The following PPP1CC variants were observed in gnomAD, a reference collection of about 807,000 sequenced individuals.
PPP1CC encodes serine/threonine-protein phosphatase PP1-gamma catalytic subunit.
Under a neutral mutation model 38.4 loss-of-function variants are expected in PPP1CC, and 16 were observed. That is an observed-to-expected ratio of 0.42 (90% CI 0.28 to 0.63). PPP1CC has a LOEUF of 0.63. Ranked by LOEUF, PPP1CC falls within the 30% of genes least tolerant of loss-of-function variation. The pLI is 0.25. For missense variants in PPP1CC, 170 were observed against 391.3 expected (o/e 0.43, Z 4.77); for synonymous variants, 158 against 136.0 (o/e 1.16, Z -1.13).
At chr12:110,719,174 A>C (rs2069711984), downstream of PPP1CC, among the ~76,000 whole-genome samples, 1 of 152,142 alleles carries the variant, frequency 6.6e-6, no homozygotes, top group African/African-American at 2.4e-5. Flanking sequence ...GTCTGGGAGA[A>C]TATTACGTAA....
At chr12:110,717,843 G>A (rs866367406), downstream of PPP1CC, among the ~76,000 whole-genome samples, 3 of 152,098 alleles carry the variant, frequency 2.0e-5, no homozygotes, top group Non-Finnish European at 4.4e-5. Context: ...CCTTGTCTCC[G>A]TGTCTCAATT....
At chr12:110,725,531 A>C (rs2069788360) in intron 3 of PPP1CC, 1 of 152,252 alleles carries the variant, frequency 6.6e-6, no homozygotes, top group Non-Finnish European at 1.5e-5. Flanking sequence ...CACAGGCCTG[A>C]TGTCACAGGA....
intron 6 of PPP1CC, chr12:110,721,783 A>T (rs1042014443): frequency 1.3e-5 from 4 of 317,208 alleles, no homozygotes; most frequent in African/African-American, 8.5e-5. Flanking sequence ...AACTAAGTAA[A>T]CACATAGCAC....
intron 6 of PPP1CC, 122 bp from the exon 7 acceptor site, chr12:110,721,287 GC>G (rs1196076966): frequency 1.4e-6 from 1 of 704,424 alleles, no homozygotes; most frequent in Non-Finnish European, 2.4e-6. Flanking sequence ...AACTGTAAAA[GC>G]CCCCCTAGCA....
chr12:110,736,170 AT>A (rs2069942542), intron 1 of PPP1CC, among the ~76,000 whole-genome samples: 2 of 152,214 alleles, frequency 1.3e-5, no homozygotes, highest in African/African-American at 2.4e-5. Context: ...CAGTAGAAGT[AT>A]TAATATTTCT....
In PPP1CC at chr12:110,742,831, TC is replaced by T. The variant is rs939696679; in HGVS notation, c.-125del. Reference sequence around the variant, plus strand: ...CGGCGGTGGCAGCAGCCGCGGCGGGTCCCCCCCCTGCCACCCCGCTCCCTAC... The same window carrying T: ...CGGCGGTGGCAGCAGCCGCGGCGGGTCCCCCCCTGCCACCCCGCTCCCTAC... On this transcript the variant is annotated 5_prime_UTR_variant, in exon 1 of 7. Coordinates refer to ENST00000335007, the MANE Select transcript of PPP1CC (RefSeq NM_002710.4). The T allele has an allele frequency of 2.9e-4, 203 of 695,750 alleles. No individual in the cohort carries two copies. Among genetic ancestry groups the T allele is most frequent in the South Asian group, 7.0e-4 (13 of 18,654 alleles). The allele number at this position is 695,750 out of a possible 1,614,324, so 43.1% of individuals were successfully genotyped here.
At chr12:110,718,984 G>C (rs1455923932), downstream of PPP1CC, among the ~76,000 whole-genome samples, 1 of 152,004 alleles carries the variant, frequency 6.6e-6, no homozygotes, top group Non-Finnish European at 1.5e-5. Context: ...TGTTCCTTAA[G>C]AAAAACTTGA....
chr12:110,722,301 G>A lies in PPP1CC; in HGVS notation c.748-32C>T. The A allele has an allele frequency of 6.2e-7, 1 of 1,606,808 alleles. No individual in the cohort carries two copies. The highest frequency in any genetic ancestry group is 8.5e-7 in the Non-Finnish European group (1 of 1,174,398). The stretch of plus-strand genomic sequence containing the variant: ...GAGAAAATTTTTTCAATATAAATAG[G>A]TGCAAATATTAGGTGAGTAAAACCA... On this transcript the variant is annotated intron_variant, in intron 5 of 6. Transcript: ENST00000335007. The surrounding 1 kb of genome is among the most constrained non-coding windows in gnomAD (Gnocchi z 5.4).
chr12:110,709,445 G>T, the PPP1CC span, among the ~76,000 whole-genome samples: 4 of 151,924 alleles, frequency 2.6e-5, no homozygotes, highest in Non-Finnish European at 5.9e-5. Context: ...GGCCAGGTTT[G>T]TCTTGAACTC....
chr12:110,720,429 TCA>T lies in PPP1CC; in HGVS notation c.*645_*646del. ...CAGAAACTTTGGCTTTAGGAAAGAGTCACAAATATTTAAAAGAATGGCTTTGT... is the reference window on the plus strand; with the variant it reads ...CAGAAACTTTGGCTTTAGGAAAGAGTCAAATATTTAAAAGAATGGCTTTGT... On this transcript the variant is annotated 3_prime_UTR_variant, in exon 7 of 7. Coordinates refer to ENST00000335007, the MANE Select transcript of PPP1CC (RefSeq NM_002710.4). 1 of 477,304 alleles carries T rather than the reference TCA, an allele frequency of 2.1e-6. No individual in the cohort carries two copies. Among genetic ancestry groups the T allele is most frequent in the Non-Finnish European group, 3.7e-6 (1 of 269,480 alleles). The allele number at this position is 477,304 out of a possible 1,614,324, so 29.6% of individuals were successfully genotyped here. A position where few individuals can be genotyped will look rare whatever the true frequency, so the allele number is the denominator to read the frequency against.
chr12:110,728,776 G>A (rs917559560), intron 3 of PPP1CC, among the ~76,000 whole-genome samples: 5 of 152,142 alleles, frequency 3.3e-5, no homozygotes, highest in Admixed American at 3.3e-4. Context: ...TTTTGTCCCT[G>A]ATGATTCCTG....
At chr12:110,710,717 CAAAAAAAAAA>C in the PPP1CC span, among the ~76,000 whole-genome samples, 21 of 27,926 alleles carry the variant, frequency 7.5e-4, no homozygotes, top group Admixed American at 3.2e-3. Context: ...GACTCTGTCT[CAAAAAAAAAA>C]AAAAAAAAAA....
downstream of PPP1CC, among the ~76,000 whole-genome samples, chr12:110,719,331 T>C (rs536707836): frequency 6.6e-6 from 1 of 152,314 alleles, no homozygotes; most frequent in African/African-American, 2.4e-5. Context: ...CCCTGTGCTC[T>C]TCTGTGTCCT....
chr12:110,720,817 A>G lies in PPP1CC; in HGVS notation c.*259T>C. The stretch of plus-strand genomic sequence containing the variant: ...GACAGGATAAACTGTCCTGGGGTGT[A>G]CAGCTTTAACACCATCATTAAAATT... On this transcript the variant is annotated 3_prime_UTR_variant, in exon 7 of 7. Transcript: ENST00000335007. 1 of 355,364 alleles carries G rather than the reference A, an allele frequency of 2.8e-6. No individual in the cohort carries two copies. Among genetic ancestry groups the G allele is most frequent in the Admixed American group, 4.3e-5 (1 of 23,130 alleles). 22.0% of individuals were successfully genotyped at this position (355,364 alleles called of 1,614,324 possible). A position where few individuals can be genotyped will look rare whatever the true frequency, so the allele number is the denominator to read the frequency against.
chr12:110,708,849 TC>T, the PPP1CC span, among the ~76,000 whole-genome samples: 1 of 90,152 alleles, frequency 1.1e-5, no homozygotes, highest in Non-Finnish European at 2.1e-5. Context: ...AGAGTCCATC[TC>T]AAAAAAAAAA....
chr12:110,718,383 CAA>C (rs1334588795), downstream of PPP1CC, among the ~76,000 whole-genome samples: 2 of 152,116 alleles, frequency 1.3e-5, no homozygotes, highest in Non-Finnish European at 2.9e-5. Flanking sequence ...AAAACCAAAC[CAA>C]AACACTTAAT....
chr12:110,711,826 G>A, the PPP1CC span, among the ~76,000 whole-genome samples: 3 of 152,072 alleles, frequency 2.0e-5, no homozygotes, highest in East Asian at 3.9e-4. Flanking sequence ...TTGGGAGGCC[G>A]AGGCAGGAGA....
At chr12:110,726,980 C>T (rs1246504535) in intron 3 of PPP1CC, among the ~76,000 whole-genome samples, 1 of 152,178 alleles carries the variant, frequency 6.6e-6, no homozygotes, top group African/African-American at 2.4e-5. Context: ...ACTGCATCAC[C>T]TAGGGGGAAT....
chr12:110,741,238 T>G (rs1394157793), intron 1 of PPP1CC, among the ~76,000 whole-genome samples: 3 of 152,112 alleles, frequency 2.0e-5, no homozygotes, highest in Non-Finnish European at 4.4e-5. Flanking sequence ...ATGCACAGAT[T>G]AAGAAAAGGA....
Sources: gnomAD v4.1 joint callset for allele counts (sites outside exome capture counted in the v4.1 genomes callset) on GRCh38, gnomAD v4.1.1 for gene constraint, Gnocchi (gnomAD v3.1) non-coding constraint, MANE v1.5 for transcripts, NCBI Gene and HGNC (gene_info 2026-07-23, HGNC 2026-07-21) for gene names.